CCSER1: variants seen among roughly 807,000 people sequenced by gnomAD.
CCSER1 encodes serine-rich coiled-coil domain-containing protein 1.
CCSER1 carries 41 observed loss-of-function variants against 82.0 expected under a neutral mutation model. The ratio of observed to expected loss-of-function variants is 0.50; its 90% confidence interval spans 0.39 to 0.65. The LOEUF is 0.65. Ranked by LOEUF, CCSER1 falls within the 30% of genes least tolerant of loss-of-function variation. The pLI is 0.00. For synonymous variants in CCSER1, 414 were observed against 383.9 expected (o/e 1.08, Z -0.92); for missense variants, 1,119 against 1,064.2 (o/e 1.05, Z -0.72).
chr4:90,863,328 G>A (rs1213060373), intron 8 of CCSER1, among the ~76,000 whole-genome samples: 1 of 151,738 alleles, frequency 6.6e-6, no homozygotes, highest in Non-Finnish European at 1.5e-5. Flanking sequence ...TTTCTTTTGA[G>A]ATATAGAGTA....
intron 9 of CCSER1, among the ~76,000 whole-genome samples, chr4:91,056,241 T>G (rs1175382081): frequency 6.6e-6 from 1 of 152,116 alleles, no homozygotes; most frequent in African/African-American, 2.4e-5. Context: ...TTTTTACCAT[T>G]TGTTATATGC....
At chr4:90,605,631 C>T (rs929576604) in intron 5 of CCSER1, among the ~76,000 whole-genome samples, 3 of 152,114 alleles carry the variant, frequency 2.0e-5, no homozygotes, top group Admixed American at 2.0e-4. Flanking sequence ...AGTCCTAATG[C>T]AGAGGAGACA....
chr4:90,934,343 AAAT>A (rs1335313475), intron 9 of CCSER1, among the ~76,000 whole-genome samples: 1 of 152,218 alleles, frequency 6.6e-6, no homozygotes, highest in African/African-American at 2.4e-5. Context: ...GGATAAGAGA[AAAT>A]AAACATAACT....
At chr4:91,100,984 G>A (rs1177960293) in intron 10 of CCSER1, among the ~76,000 whole-genome samples, 1 of 152,084 alleles carries the variant, frequency 6.6e-6, no homozygotes, top group Admixed American at 6.6e-5. Context: ...TCAGATATAT[G>A]CCTAGAGTAG....
At chr4:91,582,602 C>T (rs1422288692) in intron 10 of CCSER1, among the ~76,000 whole-genome samples, 5 of 151,478 alleles carry the variant, frequency 3.3e-5, no homozygotes, top group Admixed American at 3.3e-4. Flanking sequence ...TAACTATTAT[C>T]CACTAGGGAT....
intron 10 of CCSER1, among the ~76,000 whole-genome samples, chr4:91,307,945 T>C (rs1321144047): frequency 1.4e-5 from 2 of 146,096 alleles, no homozygotes; most frequent in African/African-American, 5.1e-5. Context: ...ATCTTATGTT[T>C]TCCTCATGAT....
At chr4:91,209,975 T>G (rs976319217) in intron 10 of CCSER1, among the ~76,000 whole-genome samples, 2 of 151,722 alleles carry the variant, frequency 1.3e-5, no homozygotes, top group Non-Finnish European at 2.9e-5. Context: ...CTAAATTCTA[T>G]TCTCTACTAA....
At chr4:90,292,087 A>G (rs1206975836) in intron 1 of CCSER1, among the ~76,000 whole-genome samples, 4 of 151,916 alleles carry the variant, frequency 2.6e-5, no homozygotes, top group Admixed American at 2.0e-4. Flanking sequence ...GAGGAAGGCA[A>G]ACTTGTCATC....
chr4:91,126,876 A>G (rs1159862700), intron 10 of CCSER1, among the ~76,000 whole-genome samples: 2 of 151,988 alleles, frequency 1.3e-5, no homozygotes, highest in Non-Finnish European at 2.9e-5. Context: ...TAAACCTGGG[A>G]TTGAAGATAC....
intron 5 of CCSER1, among the ~76,000 whole-genome samples, chr4:90,471,778 C>T (rs1764445447): frequency 6.6e-6 from 1 of 151,636 alleles, no homozygotes; most frequent in Non-Finnish European, 1.5e-5. Flanking sequence ...AGTTTGAGAC[C>T]AGCCTGGCTA....
intron 9 of CCSER1, among the ~76,000 whole-genome samples, chr4:91,060,799 T>A (rs1032907753): frequency 9.2e-5 from 14 of 152,070 alleles, no homozygotes; most frequent in African/African-American, 2.7e-4. Context: ...TAACACCTGG[T>A]TCATTTTAAC....
chr4:91,380,504 T>G (rs139752999), intron 10 of CCSER1, among the ~76,000 whole-genome samples: 2,914 of 152,094 alleles, frequency 0.019, 70 homozygotes, highest in African/African-American at 0.065. Context: ...TTATGTAATG[T>G]CCTTCTTTGT....
chr4:91,257,472 T>TACAC (rs34423543), intron 10 of CCSER1, among the ~76,000 whole-genome samples: 50,598 of 148,768 alleles, frequency 0.34, 8,664 homozygotes, highest in East Asian at 0.44. Flanking sequence ...AATACATACC[T>TACAC]ACACACACAC....
intron 10 of CCSER1, among the ~76,000 whole-genome samples, chr4:91,531,038 T>G (rs184083008): frequency 3.3e-5 from 5 of 152,234 alleles, no homozygotes; most frequent in Admixed American, 2.6e-4. Flanking sequence ...GTATACTTAT[T>G]TATTGAAGAT....
intron 5 of CCSER1, among the ~76,000 whole-genome samples, chr4:90,576,536 A>G (rs949387967): frequency 6.6e-6 from 1 of 151,604 alleles, no homozygotes. Flanking sequence ...CCCTCCCTCC[A>G]CTCACCCCCT....
intron 7 of CCSER1, among the ~76,000 whole-genome samples, chr4:90,734,458 T>G (rs1745324654): frequency 6.6e-6 from 1 of 152,208 alleles, no homozygotes; most frequent in East Asian, 1.9e-4. Context: ...ATCTAGAATA[T>G]CTTTTCATTT....
intron 9 of CCSER1, among the ~76,000 whole-genome samples, chr4:91,018,912 G>A (rs922366626): frequency 1.8e-4 from 28 of 151,876 alleles, no homozygotes; most frequent in African/African-American, 6.8e-4. Context: ...CTTCCCCTAT[G>A]ACTTTGCTAA....
At chr4:91,359,229 A>G (rs546425927) in intron 10 of CCSER1, among the ~76,000 whole-genome samples, 25 of 151,914 alleles carry the variant, frequency 1.6e-4, no homozygotes, top group Admixed American at 3.3e-4. Context: ...GCTCTACTAT[A>G]CAATGTCTGT....
chr4:90,702,803 G>A (rs1191531871), intron 6 of CCSER1, among the ~76,000 whole-genome samples: 1 of 152,060 alleles, frequency 6.6e-6, no homozygotes, highest in Non-Finnish European at 1.5e-5. Flanking sequence ...GTATTTCTGT[G>A]GGATCATTGG....
Sources: allele counts gnomAD v4.1 joint callset (sites outside exome capture counted in the v4.1 genomes callset), GRCh38; gene constraint gnomAD v4.1.1; transcripts MANE v1.5; gene names NCBI Gene and HGNC (gene_info 2026-07-23, HGNC 2026-07-21).